The following FYB2 variants were observed in gnomAD, a reference collection of about 807,000 sequenced individuals.
The protein encoded by FYB2 is FYN-binding protein 2.
A neutral mutation model predicts 94.1 loss-of-function variants in FYB2; 103 were observed. The observed-to-expected ratio is 1.09, with a 90% confidence interval of 0.93 to 1.29. The LOEUF is 1.29. Ranked by LOEUF, FYB2 falls within the 50% of genes most tolerant of loss-of-function variation. The probability of loss-of-function intolerance (pLI) is 0.00; values close to 1 mark genes in which losing one functional copy is unlikely to be tolerated. For synonymous variants in FYB2, 293 were observed against 287.9 expected (o/e 1.02, Z -0.18); for missense variants, 896 against 841.5 (o/e 1.06, Z -0.80).
intron 5 of FYB2, among the ~76,000 whole-genome samples, chr1:56,767,469 C>T (rs990461435): frequency 5.3e-5 from 8 of 152,208 alleles, no homozygotes; most frequent in African/African-American, 1.9e-4. Context: ...TCAAGAAAGA[C>T]ACCAGGAGAA....
chr1:56,819,250 G>C (rs1341715985), intron 1 of FYB2, 32 bp downstream of exon 1: 4 of 1,614,200 alleles, frequency 2.5e-6, no homozygotes, highest in Admixed American at 1.7e-5. Flanking sequence ...AAGACACACA[G>C]AAAGCCAGCA....
chr1:56,790,657 A>T (rs951353817), intron 2 of FYB2, among the ~76,000 whole-genome samples: 1 of 152,228 alleles, frequency 6.6e-6, no homozygotes, highest in Non-Finnish European at 1.5e-5. Flanking sequence ...GAACAAGAAC[A>T]TGTATATTCC....
intron 15 of FYB2, among the ~76,000 whole-genome samples, chr1:56,732,675 T>G (rs940416902): frequency 6.6e-6 from 1 of 152,036 alleles, no homozygotes; most frequent in Non-Finnish European, 1.5e-5. Flanking sequence ...AATTAATCCA[T>G]GTATCTACAG....
intron 16 of FYB2, among the ~76,000 whole-genome samples, chr1:56,724,678 C>G (rs767907131): frequency 6.6e-6 from 1 of 151,952 alleles, no homozygotes; most frequent in Non-Finnish European, 1.5e-5. Flanking sequence ...AATTCATTAG[C>G]ATTTTATAAT....
chr1:56,723,413 A>C (rs1644524721), intron 17 of FYB2, among the ~76,000 whole-genome samples, 175 bp downstream of exon 17: 1 of 152,134 alleles, frequency 6.6e-6, no homozygotes, highest in African/African-American at 2.4e-5. Context: ...ATGGACAGAC[A>C]TAACAATATA....
chr1:56,737,884 T>C (rs977274779), intron 14 of FYB2, among the ~76,000 whole-genome samples: 1 of 152,088 alleles, frequency 6.6e-6, no homozygotes, highest in African/African-American at 2.4e-5. Flanking sequence ...ACCAAGGATA[T>C]GTTGAGATGT....
intron 4 of FYB2, 85 bp from the exon 5 acceptor site, chr1:56,768,023 T>C: frequency 9.6e-7 from 1 of 1,037,260 alleles, no homozygotes; most frequent in Non-Finnish European, 1.4e-6. Flanking sequence ...ATTAGAGAAA[T>C]AATATGTGTG....
intron 4 of FYB2, 37 bp from the exon 5 acceptor site, chr1:56,767,975 T>C (rs746832252): frequency 7.0e-7 from 1 of 1,436,862 alleles, no homozygotes; most frequent in African/African-American, 1.4e-5. Flanking sequence ...GTAACATTTT[T>C]AAAAACATAT....
intron 1 of FYB2, among the ~76,000 whole-genome samples, chr1:56,814,619 A>G (rs1228336395): frequency 6.6e-6 from 1 of 152,088 alleles, no homozygotes; most frequent in Non-Finnish European, 1.5e-5. Context: ...ACTTGTGACT[A>G]ATTGTGTGAT....
At position 56,778,604 on chromosome 1, in the gene FYB2, T is replaced by G. The variant is rs112483326; in HGVS notation, c.953+8571A>C. Among the ~76,000 whole-genome samples, 360 of 152,242 alleles carry G rather than the reference T, an allele frequency of 2.4e-3. 3 individuals are homozygous for G. The highest frequency in any genetic ancestry group is 8.4e-3 in the African/African-American group (351 of 41,562). ...TAAAAATAAATAGCAGTCAATGTCCTTAAACTCAGGGTTCTCATGGTCTAG... is the reference window on the plus strand; with the variant it reads ...TAAAAATAAATAGCAGTCAATGTCCGTAAACTCAGGGTTCTCATGGTCTAG... On this transcript the variant is annotated intron_variant, in intron 4 of 19. Transcript: ENST00000343433.
chr1:56,798,232 T>C (rs1282107083), intron 1 of FYB2, among the ~76,000 whole-genome samples: 1 of 152,234 alleles, frequency 6.6e-6, no homozygotes, highest in Non-Finnish European at 1.5e-5. Flanking sequence ...TGGAAACAAA[T>C]GATCTAATTG....
At chr1:56,813,254 A>C (rs1646807813) in intron 1 of FYB2, among the ~76,000 whole-genome samples, 1 of 152,014 alleles carries the variant, frequency 6.6e-6, no homozygotes, top group Admixed American at 6.5e-5. Context: ...AGACTGGGTA[A>C]TTTATAAAGA....
intron 9 of FYB2, among the ~76,000 whole-genome samples, chr1:56,745,623 T>C (rs1439884248): frequency 6.6e-6 from 1 of 152,048 alleles, no homozygotes; most frequent in Non-Finnish European, 1.5e-5. Context: ...TCACCTAAAT[T>C]ATTGCAATAA....
intron 1 of FYB2, among the ~76,000 whole-genome samples, chr1:56,818,455 AACACAC>A (rs3991685): frequency 0.47 from 65,131 of 139,742 alleles, 15,002 homozygotes; most frequent in East Asian, 0.52. Context: ...GTATGGAAGC[AACACAC>A]ACACACACAC....
intron 9 of FYB2, among the ~76,000 whole-genome samples, chr1:56,745,240 C>T (rs990944287): frequency 7.2e-5 from 11 of 151,956 alleles, no homozygotes; most frequent in African/African-American, 2.7e-4. Flanking sequence ...AAGTTTATGC[C>T]TTCATTTTAA....
chr1:56,765,061 C>T (rs1354900364), intron 5 of FYB2, among the ~76,000 whole-genome samples: 2 of 152,328 alleles, frequency 1.3e-5, no homozygotes, highest in South Asian at 2.1e-4. Flanking sequence ...AACAAGCAAT[C>T]AGTTCATAAC....
At chr1:56,812,078 T>C (rs1646781531) in intron 1 of FYB2, among the ~76,000 whole-genome samples, 1 of 152,190 alleles carries the variant, frequency 6.6e-6, no homozygotes, top group African/African-American at 2.4e-5. Flanking sequence ...GATTGGAGAA[T>C]TTTGATTATA....
At chr1:56,749,297 C>G (rs548470255) in intron 9 of FYB2, among the ~76,000 whole-genome samples, 57 of 151,724 alleles carry the variant, frequency 3.8e-4, no homozygotes, top group African/African-American at 1.3e-3. Context: ...TTCCAGTATC[C>G]TTTTATGGAA....
At chr1:56,730,828 C>A (rs79493511) in intron 15 of FYB2, among the ~76,000 whole-genome samples, 32 of 151,796 alleles carry the variant, frequency 2.1e-4, no homozygotes, top group African/African-American at 7.7e-4. Context: ...GACAAGGATA[C>A]GAAAAAGAAA....
Sources: gnomAD v4.1 joint callset for allele counts (sites outside exome capture counted in the v4.1 genomes callset) on GRCh38, gnomAD v4.1.1 for gene constraint, MANE v1.5 for transcripts, NCBI Gene and HGNC (gene_info 2026-07-23, HGNC 2026-07-21) for gene names.